The following SHTN1 variants were observed in gnomAD, a reference collection of about 807,000 sequenced individuals.
The protein encoded by SHTN1 is shootin-1.
A neutral mutation model predicts 83.1 loss-of-function variants in SHTN1; 42 were observed. The ratio of observed to expected loss-of-function variants is 0.51; its 90% CI spans 0.39 to 0.65. The LOEUF (loss-of-function observed/expected upper bound fraction) is 0.65, where lower values mean the gene tolerates loss of function less well. Ranked by LOEUF, SHTN1 falls within the 30% of genes least tolerant of loss-of-function variation. SHTN1 has a pLI of 0.00. For synonymous variants in SHTN1, 224 were observed against 247.7 expected (o/e 0.90, Z 0.90); for missense variants, 622 against 737.8 (o/e 0.84, Z 1.82).
At chr10:117,102,951 G>A (rs1202827240) in intron 1 of SHTN1, among the ~76,000 whole-genome samples, 4 of 152,136 alleles carry the variant, frequency 2.6e-5, no homozygotes, top group African/African-American at 9.7e-5. Flanking sequence ...CCACAAATCA[G>A]AACCAGGTGA....
chr10:116,985,230 AAATG>A lies in SHTN1; in HGVS notation c.59-5926_59-5923del, dbSNP rs1368013736. ...ACCAGAGTCCATGCCTATGTTGAAT[AAATG>A]AATGAATGGTTCGTGTAAATCTGTG... On this transcript the variant is annotated intron_variant, in intron 1 of 16. Coordinates refer to ENST00000355371, the MANE Select transcript of SHTN1 (RefSeq NM_001127211.3). Among the ~76,000 whole-genome samples the A allele has an allele frequency of 4.6e-5, 7 of 152,356 alleles. No individual in the cohort carries two copies. The East Asian group carries it at 7.7e-4, about 17-fold the overall frequency.
chr10:117,045,770 A>C (rs1252315716), intron 2 of SHTN1, among the ~76,000 whole-genome samples: 1 of 152,220 alleles, frequency 6.6e-6, no homozygotes, highest in Non-Finnish European at 1.5e-5. Context: ...AAAGAGACAG[A>C]GTAAGCATCA....
At chr10:117,011,999 G>A (rs535884555) in intron 2 of SHTN1, among the ~76,000 whole-genome samples, 3 of 151,868 alleles carry the variant, frequency 2.0e-5, no homozygotes, top group African/African-American at 7.3e-5. Flanking sequence ...AATTAGCCAG[G>A]CGTGGTGGCG....
At chr10:116,997,386 G>GT (rs1851663081) in intron 1 of SHTN1, among the ~76,000 whole-genome samples, 2 of 152,160 alleles carry the variant, frequency 1.3e-5, no homozygotes, top group Non-Finnish European at 2.9e-5. Flanking sequence ...TTTGTTACAG[G>GT]TATCTGTCCC....
chr10:117,051,182 C>G (rs548741451), intron 1 of SHTN1, among the ~76,000 whole-genome samples: 1 of 152,118 alleles, frequency 6.6e-6, no homozygotes, highest in Admixed American at 6.6e-5. Flanking sequence ...CCTAGAAACA[C>G]AAACTACCAC....
At chr10:116,955,321 C>G (rs1395141661) in intron 4 of SHTN1, among the ~76,000 whole-genome samples, 1 of 152,020 alleles carries the variant, frequency 6.6e-6, no homozygotes, top group Non-Finnish European at 1.5e-5. Flanking sequence ...TTTTCTCTTC[C>G]CAAGACTAAA....
intron 9 of SHTN1, among the ~76,000 whole-genome samples, chr10:116,935,808 G>T (rs1245118860): frequency 6.6e-6 from 1 of 151,820 alleles, no homozygotes; most frequent in African/African-American, 2.4e-5. Flanking sequence ...GCTTTTTTTT[G>T]GTTAGCAGGC....
intron 1 of SHTN1, among the ~76,000 whole-genome samples, chr10:117,097,147 G>A (rs1423034433): frequency 6.6e-6 from 1 of 151,968 alleles, no homozygotes; most frequent in Non-Finnish European, 1.5e-5. Flanking sequence ...CTTATAAACT[G>A]GTTTGGTTCT....
At chr10:117,008,295 C>G (rs1301328754), upstream of SHTN1, among the ~76,000 whole-genome samples, 1 of 151,858 alleles carries the variant, frequency 6.6e-6, no homozygotes, top group Non-Finnish European at 1.5e-5. Context: ...TCTCTTTAAT[C>G]TTTATTTAAT....
intron 14 of SHTN1, chr10:116,911,518 T>C (rs1295192387): frequency 1.3e-6 from 2 of 1,550,452 alleles, no homozygotes; most frequent in African/African-American, 1.4e-5. Flanking sequence ...CTTCAAGCTG[T>C]GATGCCAGGA....
At chr10:116,937,203 T>C (rs1849204362) in intron 9 of SHTN1, among the ~76,000 whole-genome samples, 1 of 152,214 alleles carries the variant, frequency 6.6e-6, no homozygotes, top group Non-Finnish European at 1.5e-5. Context: ...GATCCTGTCA[T>C]TATGATGCTA....
At chr10:117,109,552 A>ATTTTTTT (rs1564962314) in intron 1 of SHTN1, among the ~76,000 whole-genome samples, 26 of 16,548 alleles carry the variant, frequency 1.6e-3, no homozygotes, top group East Asian at 5.9e-3. Context: ...AACATATATT[A>ATTTTTTT]CTTTTTTTTT....
At chr10:117,031,685 C>T (rs1852418176) in intron 2 of SHTN1, among the ~76,000 whole-genome samples, 1 of 152,096 alleles carries the variant, frequency 6.6e-6, no homozygotes, top group African/African-American at 2.4e-5. Flanking sequence ...CAGCTTAAAA[C>T]AATGGGTATT....
At chr10:116,932,275 G>A (rs1848999305) in intron 9 of SHTN1, among the ~76,000 whole-genome samples, 1 of 152,172 alleles carries the variant, frequency 6.6e-6, no homozygotes, top group African/African-American at 2.4e-5. Context: ...TGCACAGAAG[G>A]TTAGCAGCAG....
chr10:116,980,313 G>A (rs1056917579), intron 1 of SHTN1, among the ~76,000 whole-genome samples: 4 of 152,052 alleles, frequency 2.6e-5, no homozygotes, highest in African/African-American at 7.2e-5. Flanking sequence ...TTTTTTAAGA[G>A]ACAGGGTCTT....
intron 1 of SHTN1, among the ~76,000 whole-genome samples, chr10:117,095,587 C>T (rs1853492173): frequency 6.6e-6 from 1 of 152,174 alleles, no homozygotes; most frequent in Non-Finnish European, 1.5e-5. Flanking sequence ...CCATTCAAGC[C>T]ATTGAAAGAG....
chr10:117,029,464 G>A (rs1365902520), intron 2 of SHTN1, among the ~76,000 whole-genome samples: 2 of 152,164 alleles, frequency 1.3e-5, no homozygotes, highest in Non-Finnish European at 2.9e-5. Flanking sequence ...GATTTGGGAA[G>A]GTCTGGGGCA....
chr10:117,072,120 A>G (rs1459675612), intron 1 of SHTN1, among the ~76,000 whole-genome samples: 1 of 152,166 alleles, frequency 6.6e-6, no homozygotes, highest in African/African-American at 2.4e-5. Context: ...TTTAGTTCAA[A>G]TATGCGGATG....
At chr10:116,956,771 G>GT (rs1454200158) in intron 4 of SHTN1, among the ~76,000 whole-genome samples, 4 of 151,894 alleles carry the variant, frequency 2.6e-5, no homozygotes, top group Admixed American at 2.0e-4. Flanking sequence ...AAATCCACCA[G>GT]TTTGTCTGCA....
Sources: gnomAD v4.1 joint callset for allele counts (sites outside exome capture counted in the v4.1 genomes callset) on GRCh38, gnomAD v4.1.1 for gene constraint, MANE v1.5 for transcripts, NCBI Gene and HGNC (gene_info 2026-07-23, HGNC 2026-07-21) for gene names.